The following ADAMTS12 variants were observed in gnomAD, a reference collection of about 807,000 sequenced individuals.
ADAMTS12 encodes the protein A disintegrin and metalloproteinase with thrombospondin motifs 12.
Under a neutral mutation model 167.8 loss-of-function variants are expected in ADAMTS12, and 118 were observed. The ratio of observed to expected loss-of-function variants is 0.70; its 90% CI spans 0.61 to 0.82. ADAMTS12 has a LOEUF of 0.82. Among genes scored for constraint, ADAMTS12 ranks in the 40% least tolerant of loss-of-function variants. The pLI, the probability that ADAMTS12 is intolerant of heterozygous loss-of-function variation, is 0.00. For missense variants in ADAMTS12, 1,916 were observed against 1,998.8 expected, an observed-to-expected ratio of 0.96 and a Z score of 0.79; for synonymous variants, 704 against 716.9, an observed-to-expected ratio of 0.98 and a Z score of 0.29.
At chr5:33,784,571 T>C (rs973944452) in intron 2 of ADAMTS12, among the ~76,000 whole-genome samples, 1 of 151,916 alleles carries the variant, frequency 6.6e-6, no homozygotes, top group East Asian at 1.9e-4. Context: ...AAAATGAAAC[T>C]AAGAAAGCAG....
intron 18 of ADAMTS12, among the ~76,000 whole-genome samples, chr5:33,587,539 C>T (rs1579709636): frequency 6.6e-6 from 1 of 152,178 alleles, no homozygotes; most frequent in Non-Finnish European, 1.5e-5. Context: ...ACTACAGCCT[C>T]GATCTCCCAG....
At chr5:33,615,801 C>T in intron 15 of ADAMTS12, 27 bp downstream of exon 15, 4 of 1,613,326 alleles carry the variant, frequency 2.5e-6, no homozygotes, top group Non-Finnish European at 3.4e-6. Flanking sequence ...GCACACATGT[C>T]AGCAGTTTCC....
At chr5:33,616,153 C>T in intron 14 of ADAMTS12, 81 bp from the exon 15 acceptor site, 1 of 1,538,564 alleles carries the variant, frequency 6.5e-7, no homozygotes. Context: ...CACTGTTAAT[C>T]CTCTTTCCAG....
chr5:33,724,607 A>G (rs1319016972), intron 3 of ADAMTS12, among the ~76,000 whole-genome samples: 1 of 149,178 alleles, frequency 6.7e-6, no homozygotes, highest in African/African-American at 2.5e-5. Flanking sequence ...GTTGGACTGC[A>G]GCGGCGCTAT....
chr5:33,864,704 G>C (rs531949804), intron 2 of ADAMTS12, among the ~76,000 whole-genome samples: 5 of 152,206 alleles, frequency 3.3e-5, no homozygotes, highest in Admixed American at 2.6e-4. Flanking sequence ...ATGGATGAAG[G>C]TGGAAACCAT....
intron 2 of ADAMTS12, among the ~76,000 whole-genome samples, chr5:33,782,308 A>C (rs1746163523): frequency 6.6e-6 from 1 of 152,120 alleles, no homozygotes; most frequent in South Asian, 2.1e-4. Flanking sequence ...AATATGGTTA[A>C]AAATCAACAG....
At chr5:33,636,192 G>A (rs1332990622) in intron 12 of ADAMTS12, among the ~76,000 whole-genome samples, 2 of 152,154 alleles carry the variant, frequency 1.3e-5, no homozygotes, top group Admixed American at 1.3e-4. Context: ...ATATCTGGGA[G>A]GGGGATCCCG....
intron 15 of ADAMTS12, 124 bp from the exon 16 acceptor site, chr5:33,614,500 C>T: frequency 8.6e-7 from 1 of 1,164,140 alleles, no homozygotes; most frequent in Non-Finnish European, 1.2e-6. Flanking sequence ...TGGAATAAAG[C>T]CATTAAATAG....
chr5:33,753,944 C>T (rs1249235765), intron 2 of ADAMTS12, among the ~76,000 whole-genome samples: 1 of 152,072 alleles, frequency 6.6e-6, no homozygotes, highest in Non-Finnish European at 1.5e-5. Flanking sequence ...GCTGCTGGTC[C>T]CAGGATCTCG....
chr5:33,861,121 C>T (rs901471324), intron 2 of ADAMTS12, among the ~76,000 whole-genome samples: 2 of 152,184 alleles, frequency 1.3e-5, no homozygotes, highest in African/African-American at 4.8e-5. Context: ...GAAACTGCAT[C>T]AACTAACAGC....
chr5:33,694,478 A>G (rs1213030668), intron 3 of ADAMTS12, among the ~76,000 whole-genome samples: 2 of 152,222 alleles, frequency 1.3e-5, no homozygotes, highest in African/African-American at 4.8e-5. Context: ...GAGAAAAATT[A>G]CCCTTTTGGT....
chr5:33,870,616 AG>A (rs1384819596), intron 2 of ADAMTS12, among the ~76,000 whole-genome samples: 1 of 152,158 alleles, frequency 6.6e-6, no homozygotes, highest in Non-Finnish European at 1.5e-5. Context: ...GAGATTTAGG[AG>A]GGGCCAGAGC....
chr5:33,849,941 C>T (rs771118992), intron 2 of ADAMTS12, among the ~76,000 whole-genome samples: 6 of 151,826 alleles, frequency 4.0e-5, no homozygotes, highest in Non-Finnish European at 8.8e-5. Context: ...TATATACACA[C>T]ACTATACTAG....
intron 14 of ADAMTS12, among the ~76,000 whole-genome samples, chr5:33,620,599 C>T (rs375986793): frequency 6.6e-6 from 1 of 152,296 alleles, no homozygotes. Context: ...TTTGTTTACA[C>T]TTCTCTCAAC....
intron 2 of ADAMTS12, among the ~76,000 whole-genome samples, chr5:33,867,427 T>C (rs917872544): frequency 6.6e-6 from 1 of 152,106 alleles, no homozygotes; most frequent in South Asian, 2.1e-4. Context: ...CAAAGGCATA[T>C]GGAGTGGTAT....
At chr5:33,814,335 AT>A (rs1747572473) in intron 2 of ADAMTS12, among the ~76,000 whole-genome samples, 1 of 152,202 alleles carries the variant, frequency 6.6e-6, no homozygotes, top group Non-Finnish European at 1.5e-5. Context: ...CATTGCAATT[AT>A]TGAAAAGGCC....
chr5:33,792,373 G>A (rs375273149), intron 2 of ADAMTS12, among the ~76,000 whole-genome samples: 4 of 152,168 alleles, frequency 2.6e-5, no homozygotes, highest in African/African-American at 9.7e-5. Flanking sequence ...TACCATGAAT[G>A]TGCATGTCAC....
intron 2 of ADAMTS12, among the ~76,000 whole-genome samples, chr5:33,801,155 T>C (rs1014610612): frequency 1.3e-5 from 2 of 152,212 alleles, no homozygotes; most frequent in African/African-American, 2.4e-5. Context: ...GCAGTCTTGC[T>C]AACCCCTTGA....
intron 17 of ADAMTS12, among the ~76,000 whole-genome samples, chr5:33,593,580 G>A (rs1411132187): frequency 6.6e-6 from 1 of 152,140 alleles, no homozygotes; most frequent in African/African-American, 2.4e-5. Flanking sequence ...CACAGGAACA[G>A]AAAACCAAAT....
Sources: allele counts gnomAD v4.1 joint callset (sites outside exome capture counted in the v4.1 genomes callset), GRCh38; gene constraint gnomAD v4.1.1; transcripts MANE v1.5; gene names NCBI Gene and HGNC (gene_info 2026-07-23, HGNC 2026-07-21).